Variants in FAM228A observed in about 807,000 individuals in gnomAD.
FAM228A encodes protein FAM228A.
A neutral mutation model predicts 18.6 loss-of-function variants in FAM228A; 13 were observed. The observed-to-expected ratio is 0.70, with a 90% CI of 0.45 to 1.11. FAM228A has a LOEUF of 1.11. Ranked by LOEUF, FAM228A falls within the 50% of genes least tolerant of loss-of-function variation. The pLI, the probability that FAM228A is intolerant of heterozygous loss-of-function variation, is 0.00. For synonymous variants in FAM228A, 77 were observed against 86.6 expected, an observed-to-expected ratio of 0.89 and a Z score of 0.61; for missense variants, 240 against 242.2, an observed-to-expected ratio of 0.99 and a Z score of 0.06.
intron 5 of FAM228A, 23 bp from the exon 6 acceptor site, chr2:24,190,389 A>AT: frequency 6.3e-7 from 1 of 1,577,124 alleles, no homozygotes; most frequent in Non-Finnish European, 8.6e-7. Context: ...AATCGAGACA[A>AT]TTTTTTCTGC....
chr2:24,183,242 C>G (rs1311031075), intron 3 of FAM228A, 43 bp from the exon 4 acceptor site: 1 of 1,359,058 alleles, frequency 7.4e-7, no homozygotes, highest in Non-Finnish European at 1.1e-6. Flanking sequence ...AAGCTTAATA[C>G]AGACTGCACT....
intron 3 of FAM228A, among the ~76,000 whole-genome samples, chr2:24,181,925 G>A (rs987972126): frequency 2.6e-5 from 4 of 152,180 alleles, no homozygotes; most frequent in South Asian, 2.1e-4. Context: ...GCATGGATAC[G>A]TGTGATCATT....
At chr2:24,189,606 G>T (rs1032303584) in intron 5 of FAM228A, among the ~76,000 whole-genome samples, 1 of 152,132 alleles carries the variant, frequency 6.6e-6, no homozygotes, top group African/African-American at 2.4e-5. Flanking sequence ...ATAAGTGGTT[G>T]TTGAATGAAT....
chr2:24,176,836 C>T (rs1379833497), intron 2 of FAM228A, among the ~76,000 whole-genome samples: 4 of 152,180 alleles, frequency 2.6e-5, no homozygotes, highest in Non-Finnish European at 5.9e-5. Context: ...AACAATTTAT[C>T]TCTTCCAGAT....
At chr2:24,181,960 G>T (rs988374039) in intron 3 of FAM228A, among the ~76,000 whole-genome samples, 1 of 152,152 alleles carries the variant, frequency 6.6e-6, no homozygotes, top group Admixed American at 6.5e-5. Flanking sequence ...CTCACATTCA[G>T]CAAACTTGAA....
chr2:24,176,113 C>T, intron 2 of FAM228A: 1 of 985,276 alleles, frequency 1.0e-6, no homozygotes, highest in Non-Finnish European at 1.2e-6. Flanking sequence ...GAAGAGCCAT[C>T]AAAGACAAAA....
intron 2 of FAM228A, 21 bp downstream of exon 2, chr2:24,175,594 G>GAGAC: frequency 6.3e-7 from 1 of 1,581,626 alleles, no homozygotes; most frequent in Non-Finnish European, 8.7e-7. Flanking sequence ...GTGGCGTTTT[G>GAGAC]AGACGTCATT....
intron 2 of FAM228A, among the ~76,000 whole-genome samples, chr2:24,176,565 A>G (rs1232535976): frequency 6.6e-6 from 1 of 152,194 alleles, no homozygotes; most frequent in Non-Finnish European, 1.5e-5. Context: ...TCCTGTTCCT[A>G]TTACAAAGAG....
intron 5 of FAM228A, 135 bp from the exon 6 acceptor site, chr2:24,190,277 C>A: frequency 2.8e-6 from 3 of 1,089,066 alleles, no homozygotes; most frequent in Non-Finnish European, 3.8e-6. Flanking sequence ...TGAGGGACAG[C>A]CACCAGTGAT....
intron 5 of FAM228A, 51 bp downstream of exon 5, chr2:24,183,696 A>G: frequency 6.7e-7 from 1 of 1,485,082 alleles, no homozygotes; most frequent in Non-Finnish European, 9.1e-7. Context: ...AACTTACTTT[A>G]TTTCCTACTG....
chr2:24,189,036 T>TA (rs1357797083), intron 5 of FAM228A, among the ~76,000 whole-genome samples: 1 of 152,204 alleles, frequency 6.6e-6, no homozygotes, highest in Non-Finnish European at 1.5e-5. Flanking sequence ...TAAACACCAG[T>TA]AATTACATAG....
chr2:24,182,033 A>G (rs926541518), intron 3 of FAM228A, among the ~76,000 whole-genome samples: 2 of 152,138 alleles, frequency 1.3e-5, no homozygotes, highest in East Asian at 3.9e-4. Context: ...AGTGTCACAG[A>G]AGTCAGCACA....
chr2:24,180,188 G>A (rs752690146), intron 3 of FAM228A, among the ~76,000 whole-genome samples: 1 of 150,836 alleles, frequency 6.6e-6, no homozygotes, highest in African/African-American at 2.4e-5. Context: ...GGTGCAGTGG[G>A]TCACCCCTGT....
chr2:24,187,265 C>T (rs770955384), intron 5 of FAM228A, among the ~76,000 whole-genome samples: 1 of 152,034 alleles, frequency 6.6e-6, no homozygotes, highest in Non-Finnish European at 1.5e-5. Context: ...TCTTTATTTC[C>T]CTCCTTTTTT....
chr2:24,186,748 C>T (rs1047589129), intron 5 of FAM228A, among the ~76,000 whole-genome samples: 21 of 152,012 alleles, frequency 1.4e-4, no homozygotes, highest in Non-Finnish European at 2.4e-4. Flanking sequence ...AAGTGATTCT[C>T]CTGCCTCAGC....
At position 24,190,688 on chromosome 2, in the gene FAM228A, C is replaced by T. The variant is rs1158283039; in HGVS notation, c.*57C>T. On this transcript the variant is annotated 3_prime_UTR_variant, in exon 6 of 6. Transcript: ENST00000295150. The stretch of plus-strand genomic sequence containing the variant: ...CACCCAAGGGCGGAGGAGGCATGGC[C>T]CAAGAAGAAGGGTGTGAAGAGGAGG... 6.7e-7 allele frequency: 1 copy of T among 1,485,878 alleles called. No homozygotes were observed. The highest frequency in any genetic ancestry group is 8.9e-7 in the Non-Finnish European group (1 of 1,118,678). The allele number at this position is 1,485,878 out of a possible 1,614,324, so 92.0% of individuals were successfully genotyped here.
chr2:24,191,001 A>G lies in FAM228A; in HGVS notation c.*370A>G. ...CCAAAGATGGTGTTCTCCTTAGTCC[A>G]CACACAACTGGTGGGAAGTTTTTGA... On this transcript the variant is annotated 3_prime_UTR_variant, in exon 6 of 6. Coordinates refer to ENST00000295150, the MANE Select transcript of FAM228A (RefSeq NM_001040710.3). The G allele has an allele frequency of 2.0e-6, 2 of 1,019,184 alleles. No homozygotes were observed. Among genetic ancestry groups the G allele is most frequent in the Non-Finnish European group, 2.3e-6 (2 of 852,400 alleles). The allele number at this position is 1,019,184 out of a possible 1,614,324, so 63.1% of individuals were successfully genotyped here. A position where few individuals can be genotyped will look rare whatever the true frequency, so the allele number is the denominator to read the frequency against.
At chr2:24,190,355 G>T (rs748325941) in intron 5 of FAM228A, 57 bp from the exon 6 acceptor site, 2 of 1,501,516 alleles carry the variant, frequency 1.3e-6, no homozygotes, top group African/African-American at 1.4e-5. Flanking sequence ...GAAACTATTT[G>T]ATGGTACAAT....
chr2:24,185,179 T>C (rs529980723), intron 5 of FAM228A, among the ~76,000 whole-genome samples: 2 of 152,338 alleles, frequency 1.3e-5, no homozygotes, highest in East Asian at 3.9e-4. Context: ...GAATTGCTTT[T>C]TGTATGTATT....
Sources: gnomAD v4.1 joint callset for allele counts (sites outside exome capture counted in the v4.1 genomes callset) on GRCh38, gnomAD v4.1.1 for gene constraint, MANE v1.5 for transcripts, NCBI Gene and HGNC (gene_info 2026-07-23, HGNC 2026-07-21) for gene names.